NTN1: variants seen among roughly 807,000 people sequenced by gnomAD.
The protein encoded by NTN1 is netrin 1, also known as netrin-1.
Under a neutral mutation model 54.2 loss-of-function variants are expected in NTN1, and 11 were observed. The observed-to-expected ratio is 0.20, with a 90% CI of 0.13 to 0.34. NTN1 has a LOEUF of 0.34. Among genes scored for constraint, NTN1 ranks in the 10% least tolerant of loss-of-function variants. NTN1 has a pLI of 1.00. For synonymous variants in NTN1, 371 were observed against 382.0 expected, an observed-to-expected ratio of 0.97 and a Z score of 0.33; for missense variants, 740 against 893.1, an observed-to-expected ratio of 0.83 and a Z score of 2.18.
intron 6 of NTN1, among the ~76,000 whole-genome samples, chr17:9,238,129 G>A (rs1454577591): frequency 1.3e-5 from 2 of 152,138 alleles, no homozygotes; most frequent in Admixed American, 6.5e-5. Context: ...GGAGCAGAGT[G>A]GCCCCCAGAG....
the NTN1 span, among the ~76,000 whole-genome samples, chr17:9,005,115 G>T: frequency 1.3e-5 from 2 of 151,838 alleles, no homozygotes; most frequent in East Asian, 1.9e-4. Flanking sequence ...CACCTCCCCC[G>T]CATCTCTCCA....
At chr17:9,238,741 C>T (rs1017780673) in intron 6 of NTN1, among the ~76,000 whole-genome samples, 8 of 152,198 alleles carry the variant, frequency 5.3e-5, no homozygotes, top group Non-Finnish European at 1.0e-4. Context: ...ATTTATTTAG[C>T]GTCTCTTATT....
At chr17:9,229,988 G>A (rs952667954) in intron 6 of NTN1, among the ~76,000 whole-genome samples, 1 of 152,048 alleles carries the variant, frequency 6.6e-6, no homozygotes, top group South Asian at 2.1e-4. Flanking sequence ...GAGCCGGGGA[G>A]GGGAGGGTCT....
In NTN1 at chr17:9,049,046, G is replaced by A. The variant is rs1042473391; in HGVS notation, c.1018+25655G>A. 6.6e-5 allele frequency among the ~76,000 whole-genome samples: 10 copies of A among 152,262 alleles called. No individual in the cohort carries two copies. In the South Asian group the frequency reaches 2.1e-3, roughly 32 times the overall value. On this transcript the variant is annotated intron_variant, in intron 2 of 6. Transcript: ENST00000173229. The stretch of plus-strand genomic sequence containing the variant: ...ATGGAGCCTAGAAATCTGCACTTTG[G>A]TGAATGCATTAGATGAAACAAGTGT...
At chr17:9,040,880 T>C (rs1461234947) in intron 2 of NTN1, among the ~76,000 whole-genome samples, 2 of 152,132 alleles carry the variant, frequency 1.3e-5, no homozygotes, top group African/African-American at 4.8e-5. Context: ...TGATCAATCA[T>C]AGCTCATTGC....
intron 2 of NTN1, among the ~76,000 whole-genome samples, chr17:9,078,154 A>T (rs1384303565): frequency 6.6e-6 from 1 of 152,140 alleles, no homozygotes; most frequent in Non-Finnish European, 1.5e-5. Flanking sequence ...GTGCTTGGTG[A>T]TGGGAGAGTG....
intron 5 of NTN1, among the ~76,000 whole-genome samples, chr17:9,200,935 C>T (rs1904764419): frequency 2.6e-5 from 4 of 152,172 alleles, no homozygotes; most frequent in Admixed American, 2.6e-4. Context: ...TAAGAGACTG[C>T]TAAGTCTTCT....
In NTN1 at chr17:9,168,424, T is replaced by C. The variant is rs1272483689; in HGVS notation, c.1207+5423T>C. 2.6e-5 allele frequency among the ~76,000 whole-genome samples: 4 copies of C among 151,926 alleles called. No individual in the cohort carries two copies. In the South Asian group the frequency reaches 6.3e-4, roughly 24 times the overall value. ...GCGCATGCCTGTAATCCCAGCTACT[T>C]GGGAGGCTGAGGCAGGAGAATTGCT... On this transcript the variant is annotated intron_variant, in intron 3 of 6. Coordinates refer to ENST00000173229, the MANE Select transcript of NTN1 (RefSeq NM_004822.3).
chr17:9,022,782 T>G lies in NTN1; in HGVS notation c.409T>G (p.Ser137Ala), dbSNP rs1186379178. Residue 137 changes from serine to alanine, a missense_variant, in exon 2 of 7, where the codon TCC (serine) becomes GCC (alanine). Physicochemically the swap from Ser to Ala is moderately conservative, Grantham distance 99. Coordinates refer to ENST00000173229, the MANE Select transcript of NTN1 (RefSeq NM_004822.3). ...QFPHNVTLTL[S>A]LGKKFEVTYV... ...CCCGCACAACGTCACGCTCACACTGTCCCTCGGCAAGAAGTTCGAAGTGAC... is the reference window on the plus strand; with the variant it reads ...CCCGCACAACGTCACGCTCACACTGGCCCTCGGCAAGAAGTTCGAAGTGAC... 8 of 1,610,352 alleles carry G rather than the reference T, an allele frequency of 5.0e-6. No individual in the cohort carries two copies. In the Admixed American group the frequency reaches 1.3e-4, roughly 27 times the overall value.
In NTN1 at chr17:9,221,152, C is replaced by G. The variant is rs572945223; in HGVS notation, c.1412-16C>G. ...TAATTAGTTTTTGTCTGTGCTCCCCCCCCACCCCCCTGCAGACTGCGATTC... is the reference window on the plus strand; with the variant it reads ...TAATTAGTTTTTGTCTGTGCTCCCCGCCCACCCCCCTGCAGACTGCGATTC... On this transcript the variant is annotated splice_polypyrimidine_tract_variant and intron_variant, in intron 5 of 6. Transcript: ENST00000173229. This position sits in a 1 kb window ranked among gnomAD's most constrained non-coding sequence, Gnocchi z 4.5. 5 of 1,542,712 alleles carry G rather than the reference C, an allele frequency of 3.2e-6. No individual in the cohort carries two copies. The highest frequency in any genetic ancestry group is 4.5e-6 in the Non-Finnish European group (5 of 1,121,826).
chr17:9,178,893 G>T (rs1350946369), intron 3 of NTN1: 2 of 152,250 alleles, frequency 1.3e-5, no homozygotes, highest in Non-Finnish European at 2.9e-5. Context: ...TGTGTTGGTG[G>T]GACATCCTCC....
intron 2 of NTN1, among the ~76,000 whole-genome samples, chr17:9,151,606 A>G (rs1237798477): frequency 6.6e-6 from 1 of 152,198 alleles, no homozygotes; most frequent in Non-Finnish European, 1.5e-5. Flanking sequence ...TCTGTTTTCA[A>G]ATTGGACCCT....
At chr17:9,139,515 C>G (rs2092291173) in intron 2 of NTN1, among the ~76,000 whole-genome samples, 1 of 152,172 alleles carries the variant, frequency 6.6e-6, no homozygotes, top group South Asian at 2.1e-4. Context: ...CCACGCTGCC[C>G]TCTCAGGCTC....
chr17:9,020,114 G>A (rs1567690772), upstream of NTN1, among the ~76,000 whole-genome samples: 1 of 152,170 alleles, frequency 6.6e-6, no homozygotes, highest in Non-Finnish European at 1.5e-5. Context: ...ACGGAGCTGG[G>A]CCAGACGAGC....
chr17:9,161,757 G>A (rs1040249451), intron 2 of NTN1, among the ~76,000 whole-genome samples: 6 of 152,176 alleles, frequency 3.9e-5, no homozygotes, highest in African/African-American at 1.4e-4. Context: ...CAGCCTGGGC[G>A]ACAGAGAAAG....
chr17:9,019,379 A>G (rs1457492866), upstream of NTN1, among the ~76,000 whole-genome samples: 1 of 152,214 alleles, frequency 6.6e-6, no homozygotes, highest in Admixed American at 6.5e-5. Context: ...TATGTCATGA[A>G]CATCTTTCCC....
At chr17:9,041,267 G>A (rs1025950066) in intron 2 of NTN1, among the ~76,000 whole-genome samples, 4 of 152,012 alleles carry the variant, frequency 2.6e-5, no homozygotes, top group Admixed American at 6.6e-5. Context: ...TCGTCGATTG[G>A]TACAACCATA....
intron 6 of NTN1, among the ~76,000 whole-genome samples, chr17:9,229,080 CTGTGTGTG>C (rs368617356): frequency 0.81 from 120,757 of 149,548 alleles, 48,580 homozygotes; most frequent in African/African-American, 0.86. Context: ...GTGTTTGTGA[CTGTGTGTG>C]TGACTGAGAC....
chr17:9,225,245 ACT>A (rs1173908051), intron 6 of NTN1, among the ~76,000 whole-genome samples: 1 of 148,182 alleles, frequency 6.7e-6, no homozygotes, highest in African/African-American at 2.5e-5. Context: ...ACAGAGTGAG[ACT>A]CTGTCTCAAA....
Sources: allele counts gnomAD v4.1 joint callset (sites outside exome capture counted in the v4.1 genomes callset), GRCh38; gene constraint gnomAD v4.1.1; non-coding constraint Gnocchi (gnomAD v3.1); transcripts MANE v1.5; gene names NCBI Gene and HGNC (gene_info 2026-07-23, HGNC 2026-07-21).